NXPH1: variants seen among roughly 807,000 people sequenced by gnomAD.
The protein encoded by NXPH1 is neurexophilin 1.
In NXPH1, 5 loss-of-function variants were observed where a neutral mutation model predicts 23.7. The ratio of observed to expected loss-of-function variants is 0.21; its 90% confidence interval spans 0.11 to 0.44. The LOEUF is 0.44. Ranked by LOEUF, NXPH1 falls within the 20% of genes least tolerant of loss-of-function variation. NXPH1 has a pLI of 0.99. For missense variants in NXPH1, 324 were observed against 321.6 expected (o/e 1.01, Z -0.06); for synonymous variants, 144 against 122.2 (o/e 1.18, Z -1.18).
In NXPH1 at chr7:8,435,598, A is replaced by G. The variant is rs1307381082; in HGVS notation, c.-110-6A>G. On this transcript the variant is annotated splice_region_variant and splice_polypyrimidine_tract_variant and intron_variant, in intron 1 of 2. Transcript: ENST00000405863. This position sits in a 1 kb window ranked among gnomAD's most constrained non-coding sequence, Gnocchi z 5.9. ...TCATGGGATGTCTAATTTTATTTGC[A>G]TCTAGGCTGCTGAGAGCGCTCCTTG... 4 of 919,252 alleles carry G rather than the reference A, an allele frequency of 4.4e-6. No individual in the cohort carries two copies. The highest frequency in any genetic ancestry group is 1.6e-5 in the African/African-American group (1 of 61,244). The allele number at this position is 919,252 out of a possible 1,614,324, so 56.9% of individuals were successfully genotyped here.
chr7:8,693,603 T>A (rs1467061340), intron 2 of NXPH1, among the ~76,000 whole-genome samples: 4 of 152,224 alleles, frequency 2.6e-5, no homozygotes, highest in African/African-American at 9.6e-5. Context: ...ACATTATCAT[T>A]AAGTGTTATT....
At chr7:8,728,663 C>G (rs1480742846) in intron 2 of NXPH1, among the ~76,000 whole-genome samples, 8 of 151,340 alleles carry the variant, frequency 5.3e-5, no homozygotes, top group East Asian at 3.9e-4. Context: ...GTATATTGAA[C>G]CAGCCTTGCA....
intron 2 of NXPH1, among the ~76,000 whole-genome samples, chr7:8,470,296 TA>T (rs1483753422): frequency 6.6e-6 from 1 of 152,158 alleles, no homozygotes; most frequent in Non-Finnish European, 1.5e-5. Context: ...TTGATGCACA[TA>T]TAAGTGATGT....
chr7:8,751,857 G>A lies in NXPH1; in HGVS notation c.*88G>A. 7.9e-7 allele frequency: 1 copy of A among 1,264,420 alleles called. No homozygotes were observed. The highest frequency in any genetic ancestry group is 1.1e-6 in the Non-Finnish European group (1 of 933,222). The allele number at this position is 1,264,420 out of a possible 1,614,324, so 78.3% of individuals were successfully genotyped here. On this transcript the variant is annotated 3_prime_UTR_variant, in exon 3 of 3. Coordinates refer to ENST00000405863, the MANE Select transcript of NXPH1 (RefSeq NM_152745.3). This position sits in a 1 kb window ranked among gnomAD's most constrained non-coding sequence, Gnocchi z 4.5. ...CTCAAAGAAGAAGGTCACATCTGTT[G>A]CCTGGAATGTGTCTACACTGCTGCT...
chr7:8,723,681 G>C (rs1780004126), intron 2 of NXPH1, among the ~76,000 whole-genome samples: 1 of 152,158 alleles, frequency 6.6e-6, no homozygotes. Flanking sequence ...ATATCTGCCA[G>C]ATATATAATA....
chr7:8,594,357 T>C (rs1819168004), intron 2 of NXPH1, among the ~76,000 whole-genome samples: 4 of 152,208 alleles, frequency 2.6e-5, no homozygotes, highest in South Asian at 2.1e-4. Context: ...TATGTCATTG[T>C]TGACGATGGT....
chr7:8,624,641 T>A (rs1819949151), intron 2 of NXPH1, among the ~76,000 whole-genome samples: 1 of 151,968 alleles, frequency 6.6e-6, no homozygotes, highest in South Asian at 2.1e-4. Flanking sequence ...TTTGAATGAA[T>A]GAATGAATGG....
chr7:8,450,748 A>T (rs1816492838), intron 2 of NXPH1, among the ~76,000 whole-genome samples: 1 of 152,208 alleles, frequency 6.6e-6, no homozygotes, highest in Non-Finnish European at 1.5e-5. Flanking sequence ...ATGTAAATAA[A>T]ATTGCTTTCT....
At chr7:8,507,536 C>G (rs1817548201) in intron 2 of NXPH1, among the ~76,000 whole-genome samples, 1 of 152,060 alleles carries the variant, frequency 6.6e-6, no homozygotes, top group South Asian at 2.1e-4. Context: ...ATCAAAATCA[C>G]TTATAACATG....
intron 2 of NXPH1, among the ~76,000 whole-genome samples, chr7:8,500,465 C>T (rs1216768705): frequency 1.3e-5 from 2 of 152,056 alleles, no homozygotes; most frequent in African/African-American, 2.4e-5. Flanking sequence ...AGGTTGCCAA[C>T]CTCTCTGTGA....
chr7:8,469,041 A>G lies in NXPH1; in HGVS notation c.54+33274A>G, dbSNP rs1167707990. ...GTTGAAATTCTTATTTTTAATTCAT[A>G]AATTTGAAGTTTACATAAAAAGTAG... On this transcript the variant is annotated intron_variant, in intron 2 of 2. Transcript: ENST00000405863. Among the ~76,000 whole-genome samples, 7 of 152,184 alleles carry G rather than the reference A, an allele frequency of 4.6e-5. No homozygotes were observed. In the South Asian group the frequency reaches 6.2e-4, roughly 14 times the overall value.
At chr7:8,634,665 G>GTTTTTT (rs144810873) in intron 2 of NXPH1, among the ~76,000 whole-genome samples, 2 of 95,682 alleles carry the variant, frequency 2.1e-5, no homozygotes, top group African/African-American at 3.5e-5. Flanking sequence ...GTCCAGAAGA[G>GTTTTTT]TTTTTTTTTT....
At chr7:8,526,082 A>T (rs1817856834) in intron 2 of NXPH1, among the ~76,000 whole-genome samples, 1 of 152,224 alleles carries the variant, frequency 6.6e-6, no homozygotes, top group South Asian at 2.1e-4. Flanking sequence ...GCCAGGAGAG[A>T]GGCTGTATCC....
chr7:8,615,758 C>G (rs377377721), intron 2 of NXPH1, among the ~76,000 whole-genome samples: 3 of 152,016 alleles, frequency 2.0e-5, no homozygotes, highest in South Asian at 2.1e-4. Flanking sequence ...AGGTAACACA[C>G]CAGTGGAGAA....
At chr7:8,721,903 A>G (rs1779976713) in intron 2 of NXPH1, among the ~76,000 whole-genome samples, 1 of 152,224 alleles carries the variant, frequency 6.6e-6, no homozygotes, top group African/African-American at 2.4e-5. Context: ...TTAATGATAC[A>G]CTTAGAATAT....
intron 2 of NXPH1, among the ~76,000 whole-genome samples, chr7:8,595,411 C>T (rs1286773895): frequency 2.0e-5 from 3 of 151,572 alleles, no homozygotes; most frequent in African/African-American, 7.3e-5. Flanking sequence ...GCCATGTTTA[C>T]CGTAAGTTGA....
chr7:8,588,261 G>C (rs1244081783), intron 2 of NXPH1, among the ~76,000 whole-genome samples: 3 of 152,078 alleles, frequency 2.0e-5, no homozygotes, highest in African/African-American at 7.2e-5. Flanking sequence ...TATACCCAAA[G>C]GGTTACAAAT....
intron 2 of NXPH1, among the ~76,000 whole-genome samples, chr7:8,473,985 A>G (rs1181695988): frequency 6.6e-6 from 1 of 152,082 alleles, no homozygotes; most frequent in Non-Finnish European, 1.5e-5. Flanking sequence ...GAATAGCTGG[A>G]CTCACCAGTG....
chr7:8,457,539 T>C (rs1003479449), intron 2 of NXPH1, among the ~76,000 whole-genome samples: 2 of 89,988 alleles, frequency 2.2e-5, no homozygotes, highest in Non-Finnish European at 3.9e-5. Context: ...GCCCTAATTC[T>C]TAGTTTTTTT....
Sources: allele counts gnomAD v4.1 joint callset (sites outside exome capture counted in the v4.1 genomes callset), GRCh38; gene constraint gnomAD v4.1.1; non-coding constraint Gnocchi (gnomAD v3.1); transcripts MANE v1.5; gene names NCBI Gene and HGNC (gene_info 2026-07-23, HGNC 2026-07-21).